The following NAV2 variants were observed in gnomAD, a reference collection of about 807,000 sequenced individuals.
NAV2 encodes neuron navigator 2.
NAV2 carries 54 observed loss-of-function variants against 223.2 expected under a neutral mutation model. The ratio of observed to expected loss-of-function variants is 0.24; its 90% CI spans 0.19 to 0.30. The LOEUF (loss-of-function observed/expected upper bound fraction) is 0.30. Ranked by LOEUF, NAV2 falls within the 10% of genes least tolerant of loss-of-function variation. NAV2 has a pLI of 1.00. For missense variants in NAV2, 2,806 were observed against 3,147.5 expected, an observed-to-expected ratio of 0.89 and a Z score of 2.60; for synonymous variants, 1,279 against 1,239.3, an observed-to-expected ratio of 1.03 and a Z score of -0.67.
intron 13 of NAV2, 77 bp from the exon 14 acceptor site, chr11:20,044,891 A>G (rs2057296309): frequency 8.3e-7 from 1 of 1,208,026 alleles, no homozygotes; most frequent in East Asian, 2.4e-5. Flanking sequence ...TCTTCAGAGG[A>G]GGAGAGCATC....
intron 1 of NAV2, among the ~76,000 whole-genome samples, chr11:19,796,118 C>T (rs918989): frequency 0.93 from 141,450 of 152,228 alleles, 66,611 homozygotes; most frequent in East Asian, 1. Context: ...GGGGGGATAG[C>T]CCAGGAACTA....
chr11:19,468,162 C>T (rs1852436425), intron 1 of NAV2, among the ~76,000 whole-genome samples: 1 of 152,184 alleles, frequency 6.6e-6, no homozygotes, highest in Non-Finnish European at 1.5e-5. Flanking sequence ...CTCCACTACT[C>T]ACTTGCTGCG....
chr11:19,593,481 C>T (rs1451462282), intron 1 of NAV2, among the ~76,000 whole-genome samples: 2 of 152,110 alleles, frequency 1.3e-5, no homozygotes, highest in African/African-American at 2.4e-5. Flanking sequence ...TTGGCTTTGA[C>T]GTATAAAGCA....
At chr11:19,654,818 G>T (rs1485353577) in intron 1 of NAV2, among the ~76,000 whole-genome samples, 2 of 152,154 alleles carry the variant, frequency 1.3e-5, no homozygotes, top group African/African-American at 4.8e-5. Flanking sequence ...TACCATTCAG[G>T]ACATAGGCAT....
chr11:19,860,163 C>T lies in NAV2; in HGVS notation c.439-8762C>T, dbSNP rs1241763398. 1.0e-4 allele frequency among the ~76,000 whole-genome samples: 14 copies of T among 136,018 alleles called. No homozygotes were observed. In the South Asian group the frequency reaches 1.5e-3, roughly 14 times the overall value. The allele number at this position is 136,018 out of a possible 152,430, so 89.2% of individuals were successfully genotyped here. A position where few individuals can be genotyped will look rare whatever the true frequency, so the allele number is the denominator to read the frequency against. On this transcript the variant is annotated intron_variant, in intron 3 of 37. Coordinates refer to ENST00000349880, the MANE Select transcript of NAV2 (RefSeq NM_145117.5). ...CTCCCGGACGGGGCGGCTGGCCAGGCGGGGGGCTGACCCCCCACCTCCCTC... is the reference window on the plus strand; with the variant it reads ...CTCCCGGACGGGGCGGCTGGCCAGGTGGGGGGCTGACCCCCCACCTCCCTC...
chr11:19,643,812 C>T (rs1044077515), intron 1 of NAV2, among the ~76,000 whole-genome samples: 1 of 152,196 alleles, frequency 6.6e-6, no homozygotes, highest in Non-Finnish European at 1.5e-5. Flanking sequence ...TTCTCCACAT[C>T]CTCTCCAGCA....
At chr11:20,113,662 C>A (rs1177920492) in intron 36 of NAV2, among the ~76,000 whole-genome samples, 1 of 152,158 alleles carries the variant, frequency 6.6e-6, no homozygotes, top group African/African-American at 2.4e-5. Context: ...AGGAGTAGCA[C>A]TTCTATATAG....
chr11:19,570,567 G>A (rs1263229038), intron 1 of NAV2, among the ~76,000 whole-genome samples: 1 of 152,064 alleles, frequency 6.6e-6, no homozygotes, highest in African/African-American at 2.4e-5. Flanking sequence ...TATATCAAAA[G>A]CTCAATGTTA....
chr11:20,016,100 A>G (rs1273767641), intron 11 of NAV2, among the ~76,000 whole-genome samples: 1 of 152,252 alleles, frequency 6.6e-6, no homozygotes, highest in Non-Finnish European at 1.5e-5. Flanking sequence ...TGAGATGTGT[A>G]GGCAGTAAAG....
At chr11:19,471,723 A>T (rs1233151199) in intron 1 of NAV2, among the ~76,000 whole-genome samples, 1 of 152,224 alleles carries the variant, frequency 6.6e-6, no homozygotes, top group East Asian at 1.9e-4. Flanking sequence ...ACCAGCAAAC[A>T]GTAAGTATGA....
chr11:19,754,053 T>G (rs147367346), intron 1 of NAV2, among the ~76,000 whole-genome samples: 6 of 152,322 alleles, frequency 3.9e-5, no homozygotes, highest in Non-Finnish European at 7.3e-5. Context: ...TCAACAGAAA[T>G]GCTTGAATTT....
chr11:19,655,489 A>C (rs1360785571), intron 1 of NAV2, among the ~76,000 whole-genome samples: 1 of 152,078 alleles, frequency 6.6e-6, no homozygotes, highest in Non-Finnish European at 1.5e-5. Flanking sequence ...CTTGGAACCA[A>C]CCCTAATGTC....
rs548392405 is a variant in NAV2, at chr11:19,624,779, C to A, written c.76-207705C>A. 2.6e-5 allele frequency among the ~76,000 whole-genome samples: 4 copies of A among 152,156 alleles called. No homozygotes were observed. The South Asian group carries it at 8.3e-4, about 32-fold the overall frequency. ...CCACTGTCCTGCACCCACTGTCTGA[C>A]AAGCCCCAGTGAGATGAACCCGGTA... On this transcript the variant is annotated intron_variant, in intron 1 of 37. Transcript: ENST00000360655.
chr11:19,723,199 C>A (rs2050913643), intron 1 of NAV2, among the ~76,000 whole-genome samples: 3 of 152,146 alleles, frequency 2.0e-5, no homozygotes, highest in Admixed American at 2.0e-4. Flanking sequence ...GACAGAGTTT[C>A]CAGGAATGAT....
chr11:19,713,972 G>A lies in NAV2; in HGVS notation c.267+10G>A. ...CGGGTTCGATACCCAGGTGAGAGAT[G>A]CCGTTTGCCGGGGTACTGTTCTGGA... On this transcript the variant is annotated intron_variant, in intron 1 of 37. Transcript: ENST00000349880. The surrounding 1 kb of genome is among the most constrained non-coding windows in gnomAD (Gnocchi z 7.2). 2 of 1,612,624 alleles carry A rather than the reference G, an allele frequency of 1.2e-6. No homozygotes were observed. Among genetic ancestry groups the A allele is most frequent in the Non-Finnish European group, 8.5e-7 (1 of 1,179,662 alleles).
intron 1 of NAV2, among the ~76,000 whole-genome samples, chr11:19,694,453 T>G (rs750667441): frequency 7.2e-5 from 11 of 152,196 alleles, no homozygotes; most frequent in Non-Finnish European, 1.6e-4. Context: ...GGAGGGCCGC[T>G]GAACAGGGAC....
intron 1 of NAV2, among the ~76,000 whole-genome samples, chr11:19,568,923 A>G (rs1369580453): frequency 6.6e-6 from 1 of 152,206 alleles, no homozygotes; most frequent in African/African-American, 2.4e-5. Flanking sequence ...CGCATCTTCT[A>G]TGTGACAGGC....
At chr11:19,768,918 C>T (rs953160707) in intron 1 of NAV2, among the ~76,000 whole-genome samples, 1 of 152,068 alleles carries the variant, frequency 6.6e-6, no homozygotes, top group African/African-American at 2.4e-5. Context: ...GTGTAAAGTC[C>T]ACTTGTCTTG....
intron 11 of NAV2, among the ~76,000 whole-genome samples, chr11:20,011,259 G>GT (rs774371732): frequency 9.9e-5 from 15 of 150,778 alleles, no homozygotes; most frequent in African/African-American, 2.2e-4. Flanking sequence ...TGATTTTCTT[G>GT]TTTTTTTTTA....
Sources: gnomAD v4.1 joint callset for allele counts (sites outside exome capture counted in the v4.1 genomes callset) on GRCh38, gnomAD v4.1.1 for gene constraint, Gnocchi (gnomAD v3.1) non-coding constraint, MANE v1.5 for transcripts, NCBI Gene and HGNC (gene_info 2026-07-23, HGNC 2026-07-21) for gene names.